Variants in XPO4 observed in about 807,000 individuals in gnomAD.
XPO4 encodes the protein exportin-4.
In XPO4, 39 loss-of-function variants were observed where a neutral mutation model predicts 143.0. The observed-to-expected ratio is 0.27, with a 90% CI of 0.21 to 0.36. The LOEUF (loss-of-function observed/expected upper bound fraction) is 0.36, where lower values mean the gene tolerates loss of function less well. Among genes scored for constraint, XPO4 ranks in the 10% least tolerant of loss-of-function variants. XPO4 has a pLI of 1.00. For synonymous variants in XPO4, 439 were observed against 474.0 expected, an observed-to-expected ratio of 0.93 and a Z score of 0.96; for missense variants, 907 against 1,348.0, an observed-to-expected ratio of 0.67 and a Z score of 5.12.
At position 20,783,439 on chromosome 13, in the gene XPO4, A is replaced by G. The variant is rs1213305212; in HGVS notation, c.*283T>C. Reference sequence around the variant, plus strand: ...ACTGCATATGTATTTCGTGGTGCCCATATCTGTTTGCACATATATGGAATT... The same window carrying G: ...ACTGCATATGTATTTCGTGGTGCCCGTATCTGTTTGCACATATATGGAATT... On this transcript the variant is annotated 3_prime_UTR_variant, in exon 23 of 23. Coordinates refer to ENST00000255305, the MANE Select transcript of XPO4 (RefSeq NM_022459.5). 3 of 441,472 alleles carry G rather than the reference A, an allele frequency of 6.8e-6. No individual in the cohort carries two copies. Among genetic ancestry groups the G allele is most frequent in the Non-Finnish European group, 1.2e-5 (3 of 244,476 alleles). 27.3% of individuals were successfully genotyped at this position (441,472 alleles called of 1,614,324 possible).
At chr13:20,787,128 A>G (rs892827911) in intron 21 of XPO4, 71 bp from the exon 22 acceptor site, 15 of 1,264,484 alleles carry the variant, frequency 1.2e-5, no homozygotes, top group South Asian at 8.6e-5. Flanking sequence ...CCCCAGTCCA[A>G]AAAAGAAGAA....
In XPO4 at chr13:20,783,894, G is replaced by A. The variant is rs2059168966; in HGVS notation, c.3284C>T (p.Thr1095Ile). The part of the protein sequence containing the change: ...HQAEYSELVE[T>I]LLSSQQDPVI... ...TGGGTCTTGCTGACTTGATAGTAAT[G>A]TTTCGACCAGTTCAGAATATTCAGC... The change falls in exon 23 of 23, where the codon ACA (threonine) becomes ATA (isoleucine). Residue 1095 changes from threonine to isoleucine, a missense_variant. Thr to Ile is a moderately conservative substitution (Grantham distance 89). Coordinates refer to ENST00000255305, the MANE Select transcript of XPO4 (RefSeq NM_022459.5). 6.2e-7 allele frequency: 1 copy of A among 1,614,144 alleles called. No homozygotes were observed. Among genetic ancestry groups the A allele is most frequent in the Non-Finnish European group, 8.5e-7 (1 of 1,180,026 alleles).
At chr13:20,859,680 G>T in intron 3 of XPO4, 1 of 174,246 alleles carries the variant, frequency 5.7e-6, no homozygotes, top group Non-Finnish European at 1.1e-5. Flanking sequence ...GGGAGGCTGG[G>T]GCAGGAGAAT....
In XPO4 at chr13:20,831,728, C is replaced by G. The variant is rs144046023; in HGVS notation, c.728-4549G>C. 7.8e-4 allele frequency among the ~76,000 whole-genome samples: 119 copies of G among 151,636 alleles called. 1 individual carries two copies. The highest frequency in any genetic ancestry group is 2.9e-3 in the African/African-American group (118 of 41,384). ...ACCCTTTATCTTAAAAAAAATCTAT[C>G]ATACACATCTAATCTTACTTTACCT... On this transcript the variant is annotated intron_variant, in intron 6 of 22. Transcript: ENST00000255305.
At chr13:20,872,568 A>G (rs1049419125) in intron 1 of XPO4, among the ~76,000 whole-genome samples, 1 of 152,222 alleles carries the variant, frequency 6.6e-6, no homozygotes, top group Non-Finnish European at 1.5e-5. Context: ...TACACAAGAA[A>G]GAAAGAAGAA....
At chr13:20,787,268 T>G (rs749325101) in intron 21 of XPO4, among the ~76,000 whole-genome samples, 11 of 152,232 alleles carry the variant, frequency 7.2e-5, no homozygotes, top group Non-Finnish European at 1.2e-4. Context: ...ATTCCCTCAA[T>G]GTGTACCACA....
At position 20,796,313 on chromosome 13, in the gene XPO4, T is replaced by A. The variant is rs866332682; in HGVS notation, c.2617-57A>T. 39 of 1,298,616 alleles carry A rather than the reference T, an allele frequency of 3.0e-5. No homozygotes were observed. In the Middle Eastern group the frequency reaches 1.6e-3, roughly 52 times the overall value. The allele number at this position is 1,298,616 out of a possible 1,614,324, so 80.4% of individuals were successfully genotyped here. A position where few individuals can be genotyped will look rare whatever the true frequency, so the allele number is the denominator to read the frequency against. Reference sequence around the variant, plus strand: ...ACTTGGTACACTGACATTAAAAAAATTTTAAAATATAATCTATATAAATTA... The same window carrying A: ...ACTTGGTACACTGACATTAAAAAAAATTTAAAATATAATCTATATAAATTA... On this transcript the variant is annotated intron_variant, in intron 17 of 22. Coordinates refer to ENST00000255305, the MANE Select transcript of XPO4 (RefSeq NM_022459.5).
chr13:20,899,725 C>T (rs1230177196), intron 1 of XPO4, among the ~76,000 whole-genome samples: 1 of 152,058 alleles, frequency 6.6e-6, no homozygotes, highest in Non-Finnish European at 1.5e-5. Flanking sequence ...TATGAGTTAC[C>T]TAATGAAAAA....
At chr13:20,872,776 C>T (rs2060312098) in intron 1 of XPO4, among the ~76,000 whole-genome samples, 1 of 151,712 alleles carries the variant, frequency 6.6e-6, no homozygotes, top group African/African-American at 2.4e-5. Context: ...GGTCTTAACT[C>T]TTAACAGAAA....
At chr13:20,789,764 A>G (rs2059255029) in intron 19 of XPO4, among the ~76,000 whole-genome samples, 1 of 151,630 alleles carries the variant, frequency 6.6e-6, no homozygotes, top group African/African-American at 2.4e-5. Context: ...GTGTGTGTGC[A>G]CACGCATGCA....
At chr13:20,860,848 T>G (rs1394348140) in intron 3 of XPO4, among the ~76,000 whole-genome samples, 2 of 151,846 alleles carry the variant, frequency 1.3e-5, no homozygotes, top group African/African-American at 4.8e-5. Context: ...GTATATCCAC[T>G]TATCTACAGG....
chr13:20,821,988 G>T, intron 8 of XPO4, 110 bp from the exon 9 acceptor site: 1 of 1,364,844 alleles, frequency 7.3e-7, no homozygotes, highest in Non-Finnish European at 9.8e-7. Context: ...TAAAAGGTAT[G>T]TCTCTGTTTA....
At chr13:20,807,034 TTATC>T (rs1359787364) in intron 13 of XPO4, among the ~76,000 whole-genome samples, 1 of 152,150 alleles carries the variant, frequency 6.6e-6, no homozygotes, top group Non-Finnish European at 1.5e-5. Context: ...ATACAAATTT[TTATC>T]TATCATTTTC....
intron 6 of XPO4, among the ~76,000 whole-genome samples, chr13:20,842,633 T>C (rs2059987488): frequency 6.6e-6 from 1 of 152,234 alleles, no homozygotes; most frequent in Non-Finnish European, 1.5e-5. Flanking sequence ...TAATCCTGAA[T>C]TAGCAACAGC....
chr13:20,819,319 C>T (rs2059689312), intron 9 of XPO4, among the ~76,000 whole-genome samples: 1 of 152,122 alleles, frequency 6.6e-6, no homozygotes, highest in East Asian at 1.9e-4. Flanking sequence ...CATGTTAACT[C>T]CCAAACTCAT....
At chr13:20,863,956 G>A (rs989054131) in intron 2 of XPO4, among the ~76,000 whole-genome samples, 5 of 152,094 alleles carry the variant, frequency 3.3e-5, no homozygotes, top group Non-Finnish European at 7.4e-5. Context: ...CTATAAAAAT[G>A]TATGAGAAAA....
At position 20,868,463 on chromosome 13, in the gene XPO4, G is replaced by A. The variant is rs542116003; in HGVS notation, c.175+133C>T. On this transcript the variant is annotated intron_variant, in intron 2 of 22. Coordinates refer to ENST00000255305, the MANE Select transcript of XPO4 (RefSeq NM_022459.5). ...ATCTTTAAAGCTACTCCAGTAGAAT[G>A]ATTATTAATTTAAATAATTGTAACT... is the stretch of plus-strand genomic sequence containing the variant. The A allele has an allele frequency of 1.5e-4, 195 of 1,295,348 alleles. 2 individuals are homozygous for A. In the African/African-American group the frequency reaches 2.7e-3, roughly 18 times the overall value. 80.2% of individuals were successfully genotyped at this position (1,295,348 alleles called of 1,614,324 possible). A position where few individuals can be genotyped will look rare whatever the true frequency, so the allele number is the denominator to read the frequency against.
chr13:20,853,139 T>A, intron 4 of XPO4: 1 of 634,708 alleles, frequency 1.6e-6, no homozygotes. Flanking sequence ...GAGACCAGCC[T>A]AGGCAACATA....
chr13:20,809,688 G>C (rs2059552690), intron 10 of XPO4, 103 bp downstream of exon 10: 2 of 1,307,236 alleles, frequency 1.5e-6, no homozygotes, highest in Non-Finnish European at 1.0e-6. Flanking sequence ...CAAATCTTCT[G>C]AGGGAACCCA....
Sources: allele counts gnomAD v4.1 joint callset (sites outside exome capture counted in the v4.1 genomes callset), GRCh38; gene constraint gnomAD v4.1.1; transcripts MANE v1.5; gene names NCBI Gene and HGNC (gene_info 2026-07-23, HGNC 2026-07-21).